ISX: variants seen among roughly 807,000 people sequenced by gnomAD.
ISX encodes intestine specific homeobox, also known as intestine-specific homeobox.
A neutral mutation model predicts 16.9 loss-of-function variants in ISX; 15 were observed. That is an observed-to-expected ratio of 0.89 (90% confidence interval 0.59 to 1.36). ISX has a LOEUF of 1.36. ISX is among the 40% of genes most tolerant of loss of function. The pLI is 0.00. For synonymous variants in ISX, 125 were observed against 119.7 expected (o/e 1.04, Z -0.29); for missense variants, 316 against 306.1 (o/e 1.03, Z -0.24).
chr22:35,085,451 CAG>C lies in ISX; in HGVS notation c.499-2_499-1del, dbSNP rs1469220413. On this transcript the variant is annotated splice_acceptor_variant, in intron 4 of 4. Coordinates refer to ENST00000404699, the MANE Select transcript of ISX (RefSeq NM_001303508.2). LOFTEE classifies it high-confidence loss of function. ...TCTCTCTCCTGACCTCTCCTTGTGA[CAG>C]GGGCCCACGTGGACATCCACTGCTC... 4 of 1,614,072 alleles carry C rather than the reference CAG, an allele frequency of 2.5e-6. No individual in the cohort carries two copies. The African/African-American group carries it at 5.3e-5, about 22-fold the overall frequency.
In ISX at chr22:35,067,439, C is replaced by A. The variant is rs948947739; in HGVS notation, c.229+123C>A. ...GAGGACTCTAAAATTCAGAGCAAGACCTGGCTCTGGGCTGGTTTCCTGATA... is the reference window on the plus strand; with the variant it reads ...GAGGACTCTAAAATTCAGAGCAAGAACTGGCTCTGGGCTGGTTTCCTGATA... On this transcript the variant is annotated intron_variant, in intron 2 of 4. Transcript: ENST00000404699. 10 of 686,734 alleles carry A rather than the reference C, an allele frequency of 1.5e-5. No individual in the cohort carries two copies. In the African/African-American group the frequency reaches 1.6e-4, roughly 11 times the overall value. The allele number at this position is 686,734 out of a possible 1,614,324, so 42.5% of individuals were successfully genotyped here. A position where few individuals can be genotyped will look rare whatever the true frequency, so the allele number is the denominator to read the frequency against.
Position 35,085,875 on chromosome 22 carries a change from A to C in ISX, c.*182A>C. On this transcript the variant is annotated 3_prime_UTR_variant, in exon 5 of 5. Transcript: ENST00000404699. ...AGACTCAAAAGCAAACTAAACAATA[A>C]AGGACAGCTCTCTTCTCTCCTGGCT... is the stretch of plus-strand genomic sequence containing the variant. 7 of 660,070 alleles carry C rather than the reference A, an allele frequency of 1.1e-5. No homozygotes were observed. The highest frequency in any genetic ancestry group is 1.3e-5 in the Non-Finnish European group (5 of 385,640). The allele number at this position is 660,070 out of a possible 1,614,324, so 40.9% of individuals were successfully genotyped here. A position where few individuals can be genotyped will look rare whatever the true frequency, so the allele number is the denominator to read the frequency against.
At chr22:35,067,448 G>C in intron 2 of ISX, 132 bp downstream of exon 2, 1 of 663,528 alleles carries the variant, frequency 1.5e-6, no homozygotes, top group South Asian at 2.0e-5. Context: ...ACCTGGCTCT[G>C]GGCTGGTTTC....
intron 2 of ISX, 47 bp from the exon 3 acceptor site, chr22:35,082,471 T>A: frequency 6.3e-7 from 1 of 1,599,032 alleles, no homozygotes; most frequent in Non-Finnish European, 8.6e-7. Context: ...CCCACCTAGG[T>A]GCTGACACCA....
chr22:35,069,388 G>T (rs1024213102), intron 2 of ISX, among the ~76,000 whole-genome samples: 3 of 152,118 alleles, frequency 2.0e-5, no homozygotes, highest in Non-Finnish European at 4.4e-5. Flanking sequence ...GCCCAGATCT[G>T]GCCCCAGTGC....
At chr22:35,084,119 A>C (rs1019579350) in intron 3 of ISX, among the ~76,000 whole-genome samples, 1 of 152,110 alleles carries the variant, frequency 6.6e-6, no homozygotes, top group Admixed American at 6.5e-5. Flanking sequence ...GGCTCTATTC[A>C]CCACAGACCC....
intron 3 of ISX, among the ~76,000 whole-genome samples, 163 bp downstream of exon 3, chr22:35,082,832 G>A (rs909073963): frequency 5.3e-5 from 8 of 152,174 alleles, no homozygotes; most frequent in African/African-American, 1.9e-4. Flanking sequence ...CATGAAATGA[G>A]GTCACTATAG....
rs771858332 is a variant in ISX, at chr22:35,085,685, T to A, written c.730T>A (p.Ser244Thr). The change falls in exon 5 of 5, where the codon TCA becomes ACA. Residue 244 changes from serine to threonine, a missense_variant. Ser to Thr is a moderately conservative substitution (Grantham distance 58). Coordinates refer to ENST00000404699, the MANE Select transcript of ISX (RefSeq NM_001303508.2). ...HPKWGSICATST is the reference protein window; with the variant it reads ...HPKWGSICATTT ...CAAATGGGGCAGCATCTGTGCTACT[T>A]CAACATAGAGATTGGACATGCTCTC... is the stretch of plus-strand genomic sequence containing the variant. 5 of 1,614,060 alleles carry A rather than the reference T, an allele frequency of 3.1e-6. No individual in the cohort carries two copies. The highest frequency in any genetic ancestry group is 4.2e-6 in the Non-Finnish European group (5 of 1,180,042).
intron 2 of ISX, among the ~76,000 whole-genome samples, chr22:35,075,305 A>G (rs1928953288): frequency 6.6e-6 from 1 of 152,224 alleles, no homozygotes; most frequent in Non-Finnish European, 1.5e-5. Context: ...AAATTCATGG[A>G]GCATAGTCAC....
chr22:35,081,422 A>T (rs940767272), intron 2 of ISX, among the ~76,000 whole-genome samples: 1 of 152,210 alleles, frequency 6.6e-6, no homozygotes, highest in African/African-American at 2.4e-5. Context: ...GATTGAATGC[A>T]TATTGTCACC....
chr22:35,072,388 G>A (rs987658640), intron 2 of ISX, among the ~76,000 whole-genome samples: 4 of 152,356 alleles, frequency 2.6e-5, no homozygotes, highest in Admixed American at 2.0e-4. Flanking sequence ...TACAAGGAAG[G>A]GGAGGCAATG....
At chr22:35,066,715 CCTCTT>C (rs1928708087) in intron 1 of ISX, 32 bp from the exon 2 acceptor site, 1 of 206,786 alleles carries the variant, frequency 4.8e-6, no homozygotes, top group African/African-American at 2.3e-5. Flanking sequence ...ATTGTTTCTC[CCTCTT>C]CTCTTTGTTC....
At position 35,072,591 on chromosome 22, in the gene ISX, A is replaced by G. The variant is rs112887429; in HGVS notation, c.229+5275A>G. ...AAGCCAGCCACTGACAACATCAACT[A>G]CAATCATAGGGCCCAGAATGTCAGA... On this transcript the variant is annotated intron_variant, in intron 2 of 4. Transcript: ENST00000404699. 1.1e-4 allele frequency among the ~76,000 whole-genome samples: 17 copies of G among 152,328 alleles called. 1 individual carries two copies. The highest frequency in any genetic ancestry group is 3.8e-4 in the African/African-American group (16 of 41,568).
In ISX at chr22:35,067,203, G is replaced by A. The variant is rs201193476; in HGVS notation, c.116G>A (p.Arg39Lys). Residue 39 changes from arginine to lysine, a missense_variant, in exon 2 of 5, where the codon AGG becomes AAG. Transcript: ENST00000404699. Reference protein sequence around the residue: ...LSFSIEAILKRPARRSDMDRP... With the variant: ...LSFSIEAILKKPARRSDMDRP... ...TTCTCCATTGAGGCGATCCTAAAGA[G>A]GCCTGCCAGGAGGAGTGATATGGAC... is the stretch of plus-strand genomic sequence containing the variant. The A allele has an allele frequency of 5.6e-6, 9 of 1,611,550 alleles. No homozygotes were observed. In the South Asian group the frequency reaches 6.6e-5, roughly 12 times the overall value.
chr22:35,071,826 T>C (rs576231902), intron 2 of ISX, among the ~76,000 whole-genome samples: 2 of 152,250 alleles, frequency 1.3e-5, no homozygotes, highest in Admixed American at 1.3e-4. Context: ...TCCTTCCCTG[T>C]TCCTCACTTC....
Position 35,078,593 on chromosome 22 carries a change from A to G in ISX, c.230-3925A>G, listed in dbSNP as rs145145559. 7.7e-4 allele frequency among the ~76,000 whole-genome samples: 117 copies of G among 152,322 alleles called. 1 individual carries two copies. In the East Asian group the frequency reaches 0.018, roughly 23 times the overall value. On this transcript the variant is annotated intron_variant, in intron 2 of 4. Transcript: ENST00000404699. ...CCAATAACTCACTCTAGTGGGGAGT[A>G]ATGTTCAAAGCCTCACTGCCTGCGA...
rs118151551 is a variant in ISX, at chr22:35,084,559, C to A, written c.498+60C>A. The A allele has an allele frequency of 3.6e-5, 42 of 1,178,292 alleles. 1 individual carries two copies. In the East Asian group the frequency reaches 9.0e-4, roughly 25 times the overall value. The allele number at this position is 1,178,292 out of a possible 1,614,324, so 73.0% of individuals were successfully genotyped here. A position where few individuals can be genotyped will look rare whatever the true frequency, so the allele number is the denominator to read the frequency against. On this transcript the variant is annotated intron_variant, in intron 4 of 4. Coordinates refer to ENST00000404699, the MANE Select transcript of ISX (RefSeq NM_001303508.2). ...AGCCATTGTCTGGAAATATCCCAGT[C>A]AGACCCAGATGTGAAGAAGCACCTC...
At chr22:35,072,717 T>C (rs1377016215) in intron 2 of ISX, among the ~76,000 whole-genome samples, 1 of 152,202 alleles carries the variant, frequency 6.6e-6, no homozygotes, top group East Asian at 1.9e-4. Flanking sequence ...AGGCAACAAA[T>C]AGCCACTGAA....
rs1162498746 is a variant in ISX at position 35,086,945 on chromosome 22, G to C, written c.*1252G>C. ...TTCCAGGAATCTTCCCCAAATCCCA[G>C]ATCCTCTGCAATCTACCTGCACCCC... On this transcript the variant is annotated 3_prime_UTR_variant, in exon 5 of 5. Transcript: ENST00000404699. 6.6e-6 allele frequency: 1 copy of C among 152,226 alleles called. No homozygotes were observed. Among genetic ancestry groups the C allele is most frequent in the Non-Finnish European group, 1.5e-5 (1 of 68,074 alleles). 9.4% of individuals were successfully genotyped at this position (152,226 alleles called of 1,614,324 possible).
Sources: allele counts gnomAD v4.1 joint callset (sites outside exome capture counted in the v4.1 genomes callset), GRCh38; gene constraint gnomAD v4.1.1; transcripts MANE v1.5; gene names NCBI Gene and HGNC (gene_info 2026-07-23, HGNC 2026-07-21).